GSK3B: variants seen among roughly 807,000 people sequenced by gnomAD.
The protein encoded by GSK3B is glycogen synthase kinase 3 beta.
Under a neutral mutation model 56.4 loss-of-function variants are expected in GSK3B, and 15 were observed. The observed-to-expected ratio is 0.27, with a 90% confidence interval of 0.18 to 0.41. The LOEUF (loss-of-function observed/expected upper bound fraction) is 0.41, where lower values mean the gene tolerates loss of function less well. Ranked by LOEUF, GSK3B falls within the 10% of genes least tolerant of loss-of-function variation. GSK3B has a pLI of 1.00. For missense variants in GSK3B, 300 were observed against 513.4 expected, an observed-to-expected ratio of 0.58 and a Z score of 4.02; for synonymous variants, 181 against 188.9, an observed-to-expected ratio of 0.96 and a Z score of 0.34.
chr3:119,968,056 C>T (rs1317175682), intron 2 of GSK3B, among the ~76,000 whole-genome samples: 1 of 152,106 alleles, frequency 6.6e-6, no homozygotes, highest in East Asian at 1.9e-4. Context: ...GGGGTTTCAC[C>T]GTGTTAGCCA....
chr3:120,025,951 T>C (rs796733823), intron 1 of GSK3B, among the ~76,000 whole-genome samples: 9 of 152,264 alleles, frequency 5.9e-5, no homozygotes, highest in African/African-American at 2.2e-4. Context: ...AAATATGAAA[T>C]TTAAAGCCCT....
At chr3:119,893,195 A>G (rs2108067321) in intron 7 of GSK3B, among the ~76,000 whole-genome samples, 1 of 152,074 alleles carries the variant, frequency 6.6e-6, no homozygotes, top group East Asian at 1.9e-4. Context: ...TTTAATAGAG[A>G]TGAAGCTTCC....
chr3:119,965,812 A>T (rs1161885979), intron 2 of GSK3B, among the ~76,000 whole-genome samples: 1 of 151,730 alleles, frequency 6.6e-6, no homozygotes, highest in East Asian at 1.9e-4. Context: ...TAATTTAAAA[A>T]AATTTTAAAG....
intron 1 of GSK3B, among the ~76,000 whole-genome samples, chr3:120,083,147 T>C (rs1219709767): frequency 6.6e-6 from 1 of 152,120 alleles, no homozygotes; most frequent in Admixed American, 6.5e-5. Context: ...GGAACAAATA[T>C]GGAAAAAAAC....
chr3:120,058,891 T>C (rs2058213834), intron 1 of GSK3B, among the ~76,000 whole-genome samples: 1 of 151,516 alleles, frequency 6.6e-6, no homozygotes, highest in African/African-American at 2.4e-5. Flanking sequence ...GCGCCTGTAG[T>C]CCCAGCTACT....
rs183345867 is a variant in GSK3B at position 119,832,567 on chromosome 3, G to A, written c.1196-5712C>T. Among the ~76,000 whole-genome samples the A allele has an allele frequency of 2.3e-4, 35 of 152,082 alleles. 1 individual carries two copies. The East Asian group carries it at 6.2e-3, about 27-fold the overall frequency. On this transcript the variant is annotated intron_variant, in intron 10 of 10. Coordinates refer to ENST00000264235, the MANE Select transcript of GSK3B (RefSeq NM_001146156.2). ...CTCACAAGCCAATGAGGGAATCGCTGACAAAATCTCCCTACACAATTAGGT... is the reference window on the plus strand; with the variant it reads ...CTCACAAGCCAATGAGGGAATCGCTAACAAAATCTCCCTACACAATTAGGT...
rs76273640 is a variant in GSK3B at position 119,965,033 on chromosome 3, G to C, written c.283-17682C>G. 5.4e-3 allele frequency among the ~76,000 whole-genome samples: 719 copies of C among 133,074 alleles called. 3 individuals carry two copies. Among genetic ancestry groups the C allele is most frequent in the African/African-American group, 0.019 (674 of 34,874 alleles). 87.3% of individuals were successfully genotyped at this position (133,074 alleles called of 152,430 possible). Reference sequence around the variant, plus strand: ...GAATTATAGGTTTTTGTAATATTATGTTTTCTTTTTTTTTTTTTTTTTTTA... The same window carrying C: ...GAATTATAGGTTTTTGTAATATTATCTTTTCTTTTTTTTTTTTTTTTTTTA... On this transcript the variant is annotated intron_variant, in intron 2 of 10. Coordinates refer to ENST00000264235, the MANE Select transcript of GSK3B (RefSeq NM_001146156.2).
intron 2 of GSK3B, among the ~76,000 whole-genome samples, chr3:119,953,396 T>C (rs1038498501): frequency 8.5e-5 from 13 of 152,146 alleles, no homozygotes; most frequent in Admixed American, 3.9e-4. Flanking sequence ...CAAAAGGCTA[T>C]ATAAAAAGAA....
chr3:119,989,121 C>T (rs987025017), intron 2 of GSK3B, among the ~76,000 whole-genome samples: 3 of 152,146 alleles, frequency 2.0e-5, no homozygotes, highest in Non-Finnish European at 2.9e-5. Context: ...CTAAGCTCCC[C>T]GACCATCACA....
intron 2 of GSK3B, among the ~76,000 whole-genome samples, chr3:119,974,230 A>G (rs184693386): frequency 6.6e-6 from 1 of 152,340 alleles, no homozygotes; most frequent in African/African-American, 2.4e-5. Flanking sequence ...AAAACATACA[A>G]AGAATTCTTA....
intron 2 of GSK3B, among the ~76,000 whole-genome samples, chr3:119,965,906 G>A (rs1382980627): frequency 6.6e-6 from 1 of 151,702 alleles, no homozygotes; most frequent in Non-Finnish European, 1.5e-5. Context: ...CAGTTTGGTT[G>A]TTATCTATCA....
chr3:120,013,639 A>G (rs1017586353), intron 1 of GSK3B, among the ~76,000 whole-genome samples: 2 of 152,220 alleles, frequency 1.3e-5, no homozygotes, highest in African/African-American at 4.8e-5. Flanking sequence ...ATGAATACAC[A>G]GAAGATACAA....
intron 1 of GSK3B, among the ~76,000 whole-genome samples, chr3:120,026,469 C>A (rs1170007173): frequency 1.4e-5 from 2 of 146,892 alleles, no homozygotes; most frequent in South Asian, 2.2e-4. Flanking sequence ...CAAAAATAAA[C>A]CACTGCTGGA....
intron 10 of GSK3B, among the ~76,000 whole-genome samples, chr3:119,835,336 TAGA>T (rs1017866604): frequency 2.0e-5 from 3 of 152,350 alleles, no homozygotes; most frequent in Admixed American, 2.0e-4. Flanking sequence ...TCTAAAAATT[TAGA>T]AGAATAAGTA....
chr3:120,067,403 C>T (rs531559171), intron 1 of GSK3B, among the ~76,000 whole-genome samples: 47 of 152,160 alleles, frequency 3.1e-4, no homozygotes, highest in Non-Finnish European at 6.5e-4. Context: ...ACCTACCAAA[C>T]ATCACAGCTT....
intron 1 of GSK3B, among the ~76,000 whole-genome samples, chr3:120,016,853 T>C (rs1411316309): frequency 2.0e-5 from 3 of 152,238 alleles, no homozygotes; most frequent in Admixed American, 2.0e-4. Context: ...GTATTTTCCT[T>C]TTCTCTAACT....
intron 1 of GSK3B, among the ~76,000 whole-genome samples, chr3:120,048,243 A>G (rs182209106): frequency 2.6e-5 from 4 of 152,366 alleles, no homozygotes; most frequent in African/African-American, 9.6e-5. Context: ...TAATAAATAT[A>G]GAATGTGATA....
chr3:119,909,324 G>A (rs2056713997), intron 6 of GSK3B, among the ~76,000 whole-genome samples: 1 of 152,026 alleles, frequency 6.6e-6, no homozygotes, highest in Admixed American at 6.6e-5. Context: ...TCTGTTTTTT[G>A]TTTGTTTTGG....
intron 2 of GSK3B, among the ~76,000 whole-genome samples, chr3:119,984,557 C>T (rs924223350): frequency 6.6e-6 from 1 of 152,078 alleles, no homozygotes; most frequent in South Asian, 2.1e-4. Context: ...CACAGAAATA[C>T]AAACTACCAT....
Sources: gnomAD v4.1 joint callset for allele counts (sites outside exome capture counted in the v4.1 genomes callset) on GRCh38, gnomAD v4.1.1 for gene constraint, MANE v1.5 for transcripts, NCBI Gene and HGNC (gene_info 2026-07-23, HGNC 2026-07-21) for gene names.